The following M1AP variants were observed in gnomAD, a reference collection of about 807,000 sequenced individuals.
M1AP encodes meiosis 1 arrest protein.
In M1AP, 39 loss-of-function variants were observed where a neutral mutation model predicts 51.2. The observed-to-expected ratio is 0.76, with a 90% CI of 0.59 to 1.00. M1AP has a LOEUF of 1.00. M1AP is among the 50% of genes least tolerant of loss of function. The pLI is 0.00. For missense variants in M1AP, 545 were observed against 641.2 expected, an observed-to-expected ratio of 0.85 and a Z score of 1.62; for synonymous variants, 251 against 249.2, an observed-to-expected ratio of 1.01 and a Z score of -0.07.
At chr2:74,578,140 C>T (rs954790793) in intron 5 of M1AP, among the ~76,000 whole-genome samples, 1 of 152,184 alleles carries the variant, frequency 6.6e-6, no homozygotes, top group Non-Finnish European at 1.5e-5. Context: ...TCCTGCTGAT[C>T]CAGTTCCTAA....
chr2:74,614,861 C>T, intron 3 of M1AP, 103 bp downstream of exon 3: 2 of 1,082,362 alleles, frequency 1.8e-6, no homozygotes, highest in Non-Finnish European at 2.7e-6. Flanking sequence ...AATATTACAT[C>T]TAGAGTGAAT....
intron 2 of M1AP, among the ~76,000 whole-genome samples, chr2:74,636,731 C>G (rs933106087): frequency 2.0e-5 from 3 of 151,962 alleles, no homozygotes; most frequent in Non-Finnish European, 4.4e-5. Context: ...ACTTACCTCC[C>G]TTTATATCAC....
chr2:74,622,524 C>G (rs1288138241), intron 2 of M1AP, among the ~76,000 whole-genome samples: 1 of 150,156 alleles, frequency 6.7e-6, no homozygotes, highest in African/African-American at 2.4e-5. Flanking sequence ...CGTGAGCCAC[C>G]GCGCCCGGCC....
chr2:74,604,467 T>C (rs1212475693), intron 4 of M1AP, among the ~76,000 whole-genome samples: 1 of 152,140 alleles, frequency 6.6e-6, no homozygotes, highest in Admixed American at 6.5e-5. Flanking sequence ...ATATAAGGAG[T>C]GCACAATCTA....
chr2:74,566,501 G>C (rs1678389047), intron 7 of M1AP, among the ~76,000 whole-genome samples: 1 of 152,160 alleles, frequency 6.6e-6, no homozygotes, highest in Non-Finnish European at 1.5e-5. Flanking sequence ...AGCATATTTG[G>C]AGAACATTCA....
At chr2:74,618,953 A>C (rs954822792) in intron 2 of M1AP, 3 of 535,240 alleles carry the variant, frequency 5.6e-6, no homozygotes, top group Admixed American at 3.9e-5. Flanking sequence ...CACTCTTGTG[A>C]CAATGTCTTC....
intron 7 of M1AP, among the ~76,000 whole-genome samples, chr2:74,562,834 T>C (rs924640326): frequency 6.6e-6 from 1 of 152,070 alleles, no homozygotes; most frequent in Non-Finnish European, 1.5e-5. Flanking sequence ...GAGGATTCCT[T>C]GAGCCTAGCA....
chr2:74,558,827 CA>C lies in M1AP; in HGVS notation c.1481del (p.Leu494ArgfsTer3). ...TNRARATVAP[L>X]PMTPVPGRAS... ...CTCTGCCTGGGACAGGAGTCATAGG[CA>C]GGGGGGCCACAGTAGCTCGAGCTCG... On this transcript the variant is annotated frameshift_variant, in exon 11 of 11. Transcript: ENST00000421985. LOFTEE classifies it low-confidence loss of function (END_TRUNC). The C allele has an allele frequency of 6.2e-7, 1 of 1,607,046 alleles. No individual in the cohort carries two copies. The highest frequency in any genetic ancestry group is 8.5e-7 in the Non-Finnish European group (1 of 1,177,218).
chr2:74,640,757 A>C (rs1359813881), intron 1 of M1AP, among the ~76,000 whole-genome samples: 1 of 152,212 alleles, frequency 6.6e-6, no homozygotes, highest in East Asian at 1.9e-4. Flanking sequence ...TACCTGGCCC[A>C]GGCCATCCTA....
At chr2:74,568,108 G>A (rs1336102045) in intron 7 of M1AP, among the ~76,000 whole-genome samples, 2 of 152,238 alleles carry the variant, frequency 1.3e-5, no homozygotes, top group African/African-American at 4.8e-5. Flanking sequence ...GGCAGTGGTT[G>A]AATAAACTGA....
chr2:74,632,915 A>T (rs1197644955), intron 2 of M1AP, among the ~76,000 whole-genome samples: 1 of 152,142 alleles, frequency 6.6e-6, no homozygotes, highest in Non-Finnish European at 1.5e-5. Flanking sequence ...TAACATAGCC[A>T]CTTGAGGAGG....
chr2:74,558,655 AT>A lies in M1AP; in HGVS notation c.*60del, dbSNP rs900089312. The A allele has an allele frequency of 1.9e-6, 3 of 1,584,554 alleles. No individual in the cohort carries two copies. The highest frequency in any genetic ancestry group is 2.7e-5 in the African/African-American group (2 of 73,692). On this transcript the variant is annotated 3_prime_UTR_variant, in exon 11 of 11. Transcript: ENST00000421985. The stretch of plus-strand genomic sequence containing the variant: ...AGAGCAAGTCTGACCACAGATAGCC[AT>A]TATGTGAACCTGAGCATGGATATGG...
At chr2:74,573,528 T>G (rs181114995) in intron 7 of M1AP, among the ~76,000 whole-genome samples, 67 of 152,126 alleles carry the variant, frequency 4.4e-4, no homozygotes, top group Middle Eastern at 3.4e-3. Context: ...AATTTTTGTA[T>G]TTTTAGTAGC....
intron 4 of M1AP, among the ~76,000 whole-genome samples, chr2:74,601,666 G>A (rs1004977014): frequency 6.6e-6 from 1 of 152,082 alleles, no homozygotes; most frequent in Non-Finnish European, 1.5e-5. Context: ...ATTAAAGGAA[G>A]TCCCATTTAT....
At chr2:74,581,098 T>G (rs543561685) in intron 5 of M1AP, among the ~76,000 whole-genome samples, 1 of 152,202 alleles carries the variant, frequency 6.6e-6, no homozygotes, top group Non-Finnish European at 1.5e-5. Context: ...CAGGATATTT[T>G]TGGCATGACC....
At chr2:74,614,793 G>C (rs1003678701) in intron 3 of M1AP, among the ~76,000 whole-genome samples, 171 bp downstream of exon 3, 1 of 152,146 alleles carries the variant, frequency 6.6e-6, no homozygotes. Context: ...AACTGTACAG[G>C]TTATAGGAAG....
intron 2 of M1AP, among the ~76,000 whole-genome samples, chr2:74,623,825 C>T (rs1482810195): frequency 1.3e-5 from 2 of 152,124 alleles, no homozygotes; most frequent in Admixed American, 6.5e-5. Context: ...GCATGAACCA[C>T]CACACCTGGC....
At chr2:74,572,315 T>C (rs536773728) in intron 7 of M1AP, among the ~76,000 whole-genome samples, 1 of 152,270 alleles carries the variant, frequency 6.6e-6, no homozygotes, top group South Asian at 2.1e-4. Context: ...TCAAATTCTT[T>C]TTAAATTTTC....
In M1AP at chr2:74,640,185, G is replaced by C. The variant is rs1234819857; in HGVS notation, c.91C>G (p.Leu31Val). The change falls in exon 2 of 11, where the codon CTA becomes GTA. Residue 31 changes from leucine (L) to valine (V), a missense_variant. Transcript: ENST00000421985. ...PPRLLIVHIA[L>V]PSWADICTNL... is the part of the protein sequence containing the mutation. ...GTGCAGATGTCAGCCCAGGACGGTA[G>C]AGCAATGTGCACAATGAGAAGCCGT... 2 of 1,614,136 alleles carry C rather than the reference G, an allele frequency of 1.2e-6. No homozygotes were observed. Among genetic ancestry groups the C allele is most frequent in the Non-Finnish European group, 8.5e-7 (1 of 1,180,016 alleles).
Sources: gnomAD v4.1 joint callset for allele counts (sites outside exome capture counted in the v4.1 genomes callset) on GRCh38, gnomAD v4.1.1 for gene constraint, MANE v1.5 for transcripts, NCBI Gene and HGNC (gene_info 2026-07-23, HGNC 2026-07-21) for gene names.